The following RGSL1 variants were observed in gnomAD, a reference collection of about 807,000 sequenced individuals.
RGSL1 encodes the protein regulator of G protein signaling protein-like.
A neutral mutation model predicts 124.7 loss-of-function variants in RGSL1; 97 were observed. The ratio of observed to expected loss-of-function variants is 0.78; its 90% CI spans 0.66 to 0.92. The LOEUF is 0.92. Ranked by LOEUF, RGSL1 falls within the 40% of genes least tolerant of loss-of-function variation. The pLI, the probability that RGSL1 is intolerant of heterozygous loss-of-function variation, is 0.00. For synonymous variants in RGSL1, 424 were observed against 438.1 expected, an observed-to-expected ratio of 0.97 and a Z score of 0.40; for missense variants, 1,233 against 1,288.4, an observed-to-expected ratio of 0.96 and a Z score of 0.66.
chr1:182,481,674 C>A (rs1476219197), intron 6 of RGSL1, among the ~76,000 whole-genome samples: 1 of 152,104 alleles, frequency 6.6e-6, no homozygotes, highest in African/African-American at 2.4e-5. Context: ...AAAACAGATG[C>A]AAATATTCAC....
intron 14 of RGSL1, among the ~76,000 whole-genome samples, chr1:182,533,296 C>CTTTT (rs71573276): frequency 1.2e-3 from 133 of 107,688 alleles, no homozygotes; most frequent in East Asian, 4.5e-3. Flanking sequence ...TAACTTGCTT[C>CTTTT]TTTTTTTTTT....
At chr1:182,557,455 T>C (rs927380360) in intron 21 of RGSL1, among the ~76,000 whole-genome samples, 2 of 152,160 alleles carry the variant, frequency 1.3e-5, no homozygotes, top group African/African-American at 2.4e-5. Context: ...AGAGAGGATG[T>C]TAGGCCAGCA....
intron 9 of RGSL1, among the ~76,000 whole-genome samples, chr1:182,517,643 G>T (rs1262213943): frequency 6.6e-6 from 1 of 151,764 alleles, no homozygotes; most frequent in Non-Finnish European, 1.5e-5. Flanking sequence ...TCCTCTCCTT[G>T]ATCCATTTTG....
chr1:182,489,115 T>C lies in RGSL1; in HGVS notation c.1630T>C (p.Tyr544His). Residue 544 changes from tyrosine (Y) to histidine (H), a missense_variant, in exon 8 of 22, where the codon TAT becomes CAT. Tyr to His is a moderately conservative substitution (Grantham distance 83). Transcript: ENST00000294854. ...TTTGGCTGACATGAAGGAAATGGACTATAGGCAGTGGCGAAAGATAGCTAC... is the reference window on the plus strand; with the variant it reads ...TTTGGCTGACATGAAGGAAATGGACCATAGGCAGTGGCGAAAGATAGCTAC... Reference protein sequence around the residue: ...QALADMKEMDYRQWRKIATED... With the variant: ...QALADMKEMDHRQWRKIATED... 1 of 1,551,668 alleles carries C rather than the reference T, an allele frequency of 6.4e-7. No homozygotes were observed. The highest frequency in any genetic ancestry group is 1.2e-5 in the South Asian group (1 of 84,058).
At chr1:182,540,513 C>T in intron 15 of RGSL1, 92 bp downstream of exon 15, 1 of 1,095,542 alleles carries the variant, frequency 9.1e-7, no homozygotes, top group Non-Finnish European at 1.3e-6. Flanking sequence ...GTTAGAGATA[C>T]AGTGATTTCA....
chr1:182,530,650 G>A, intron 12 of RGSL1, 140 bp from the exon 13 acceptor site: 1 of 993,954 alleles, frequency 1.0e-6, no homozygotes, highest in Non-Finnish European at 1.4e-6. Flanking sequence ...GATAGAGTAA[G>A]AAGAGAATTT....
intron 6 of RGSL1, among the ~76,000 whole-genome samples, chr1:182,487,555 A>G (rs1469358833): frequency 6.6e-6 from 1 of 152,236 alleles, no homozygotes; most frequent in African/African-American, 2.4e-5. Context: ...CAAGGTGCAC[A>G]GTTAGATTAA....
chr1:182,476,230 C>T (rs537221762), intron 6 of RGSL1, among the ~76,000 whole-genome samples: 67 of 152,294 alleles, frequency 4.4e-4, no homozygotes, highest in South Asian at 1.0e-3. Context: ...AGCCATTTTA[C>T]GACAGAGATT....
At chr1:182,456,582 G>A (rs188700366) in intron 2 of RGSL1, among the ~76,000 whole-genome samples, 160 of 152,268 alleles carry the variant, frequency 1.1e-3, no homozygotes, top group African/African-American at 3.6e-3. Context: ...ACAGGCGTAA[G>A]CCTCCACGCC....
chr1:182,458,720 G>T (rs910887252), intron 3 of RGSL1, among the ~76,000 whole-genome samples: 2 of 151,974 alleles, frequency 1.3e-5, no homozygotes, highest in Non-Finnish European at 1.5e-5. Flanking sequence ...CAATTCACCC[G>T]CCTCGGCCTC....
chr1:182,502,948 C>A (rs904093525), intron 9 of RGSL1, among the ~76,000 whole-genome samples: 1 of 152,104 alleles, frequency 6.6e-6, no homozygotes, highest in Non-Finnish European at 1.5e-5. Flanking sequence ...ATTGAAACTA[C>A]AATGTGATGT....
chr1:182,537,082 T>A (rs1414991521), intron 14 of RGSL1, among the ~76,000 whole-genome samples: 1 of 152,198 alleles, frequency 6.6e-6, no homozygotes, highest in East Asian at 1.9e-4. Context: ...AAAATATATC[T>A]CTCAGTTGAT....
intron 6 of RGSL1, among the ~76,000 whole-genome samples, chr1:182,474,862 A>C (rs1424061940): frequency 6.6e-6 from 1 of 152,190 alleles, no homozygotes; most frequent in Non-Finnish European, 1.5e-5. Flanking sequence ...AACTGTGAAT[A>C]TGAAGGATCT....
chr1:182,513,997 G>T (rs528834389), intron 9 of RGSL1, among the ~76,000 whole-genome samples: 12 of 151,158 alleles, frequency 7.9e-5, no homozygotes, highest in African/African-American at 2.9e-4. Flanking sequence ...GGGTTCAAGC[G>T]AGTCTCCTGC....
At chr1:182,455,912 C>T (rs267864) in intron 2 of RGSL1, among the ~76,000 whole-genome samples, 134,656 of 152,244 alleles carry the variant, frequency 0.88, 60,153 homozygotes, top group East Asian at 1. Flanking sequence ...GACTTTCATC[C>T]GAGAAAACTA....
At chr1:182,524,095 T>C (rs1658557138) in intron 10 of RGSL1, among the ~76,000 whole-genome samples, 1 of 151,968 alleles carries the variant, frequency 6.6e-6, no homozygotes, top group South Asian at 2.1e-4. Context: ...AAGTATAGAG[T>C]GCATGCGGTG....
At chr1:182,491,356 C>T (rs1368109178) in intron 8 of RGSL1, among the ~76,000 whole-genome samples, 3 of 152,168 alleles carry the variant, frequency 2.0e-5, no homozygotes, top group South Asian at 2.1e-4. Flanking sequence ...GCTGGGATTA[C>T]AGGCACCCGC....
intron 19 of RGSL1, among the ~76,000 whole-genome samples, chr1:182,554,262 G>T (rs182798914): frequency 8.5e-5 from 13 of 152,276 alleles, no homozygotes; most frequent in Admixed American, 3.3e-4. Flanking sequence ...ATTGCTTCAT[G>T]GGGGAGGCCA....
chr1:182,505,014 A>G (rs1656708278), intron 9 of RGSL1, among the ~76,000 whole-genome samples: 1 of 152,184 alleles, frequency 6.6e-6, no homozygotes, highest in South Asian at 2.1e-4. Flanking sequence ...TATACATACA[A>G]GCTTTGAAAA....
Sources: allele counts gnomAD v4.1 joint callset (sites outside exome capture counted in the v4.1 genomes callset), GRCh38; gene constraint gnomAD v4.1.1; transcripts MANE v1.5; gene names NCBI Gene and HGNC (gene_info 2026-07-23, HGNC 2026-07-21).